Variants in NOX4 observed in about 807,000 individuals in gnomAD.
NOX4 encodes kidney oxidase-1.
A neutral mutation model predicts 87.6 loss-of-function variants in NOX4; 69 were observed. The ratio of observed to expected loss-of-function variants is 0.79; its 90% CI spans 0.65 to 0.96. The LOEUF is 0.96. Among genes scored for constraint, NOX4 ranks in the 40% least tolerant of loss-of-function variants. The pLI is 0.00. For missense variants in NOX4, 680 were observed against 681.5 expected (o/e 1.00, Z 0.02); for synonymous variants, 275 against 238.2 (o/e 1.15, Z -1.42).
At chr11:89,443,167 A>G (rs982761797) in intron 5 of NOX4, among the ~76,000 whole-genome samples, 1 of 152,194 alleles carries the variant, frequency 6.6e-6, no homozygotes, top group Non-Finnish European at 1.5e-5. Context: ...TTAAAATACC[A>G]ATAGAGACAA....
At chr11:89,579,132 G>A in the NOX4 span, among the ~76,000 whole-genome samples, 3 of 152,124 alleles carry the variant, frequency 2.0e-5, no homozygotes, top group Admixed American at 6.6e-5. Context: ...AAAGATAATT[G>A]GTTTTCTAGA....
chr11:89,478,330 C>G (rs1946252461), intron 2 of NOX4, among the ~76,000 whole-genome samples: 1 of 152,162 alleles, frequency 6.6e-6, no homozygotes, highest in African/African-American at 2.4e-5. Context: ...ATATAAATCT[C>G]AACTGAAAAC....
At position 89,484,481 on chromosome 11, in the gene NOX4, T is replaced by A. The variant is rs571854420; in HGVS notation, c.153+5977A>T. Among the ~76,000 whole-genome samples, 9 of 152,228 alleles carry A rather than the reference T, an allele frequency of 5.9e-5. No individual in the cohort carries two copies. In the East Asian group the frequency reaches 1.7e-3, roughly 29 times the overall value. ...TTCACCTAAAATGTAAAGCTAGTAG[T>A]CCATACAGTGTGGGGTTTAAAATGT... On this transcript the variant is annotated intron_variant, in intron 2 of 17. Coordinates refer to ENST00000263317, the MANE Select transcript of NOX4 (RefSeq NM_016931.5).
At chr11:89,401,592 G>A (rs879213053) in intron 9 of NOX4, among the ~76,000 whole-genome samples, 6 of 152,046 alleles carry the variant, frequency 3.9e-5, no homozygotes, top group African/African-American at 7.2e-5. Flanking sequence ...TAATTTGCAC[G>A]GGGGCAGTTC....
chr11:89,474,773 C>T (rs1946094471), intron 2 of NOX4, among the ~76,000 whole-genome samples: 1 of 151,814 alleles, frequency 6.6e-6, no homozygotes, highest in Admixed American at 6.6e-5. Flanking sequence ...GTTTAATATA[C>T]AGAATCAGGT....
chr11:89,416,364 T>G (rs1180873149), intron 8 of NOX4, among the ~76,000 whole-genome samples: 1 of 152,162 alleles, frequency 6.6e-6, no homozygotes, highest in Non-Finnish European at 1.5e-5. Context: ...CTCCCACCAG[T>G]AGCAAGATGA....
At chr11:89,370,200 T>C (rs1208966400) in intron 12 of NOX4, among the ~76,000 whole-genome samples, 1 of 151,998 alleles carries the variant, frequency 6.6e-6, no homozygotes, top group Non-Finnish European at 1.5e-5. Context: ...CCATATCTTC[T>C]CACTGTAGAA....
the NOX4 span, among the ~76,000 whole-genome samples, chr11:89,534,485 A>G: frequency 6.6e-6 from 1 of 152,182 alleles, no homozygotes; most frequent in African/African-American, 2.4e-5. Flanking sequence ...CTCACCACAT[A>G]TCATAACTAA....
the NOX4 span, among the ~76,000 whole-genome samples, chr11:89,570,340 T>C: frequency 2.0e-5 from 3 of 152,162 alleles, no homozygotes; most frequent in Non-Finnish European, 4.4e-5. Context: ...CACTAGGGCC[T>C]ACTTGAGGGT....
intron 12 of NOX4, among the ~76,000 whole-genome samples, chr11:89,355,289 G>T (rs75502908): frequency 6.8e-6 from 1 of 146,966 alleles, no homozygotes; most frequent in African/African-American, 2.5e-5. Context: ...AGCCATTAAG[G>T]ATAAATAGGT....
upstream of NOX4, among the ~76,000 whole-genome samples, chr11:89,491,747 CACACACACACACACACACAA>C (rs1364032415): frequency 6.7e-6 from 1 of 148,912 alleles, no homozygotes; most frequent in Non-Finnish European, 1.5e-5. Context: ...CACACACACA[CACACACACACACACACACAA>C]GAAGACACAG....
At chr11:89,421,859 T>C in intron 8 of NOX4, 43 bp downstream of exon 8, 1 of 1,228,972 alleles carries the variant, frequency 8.1e-7, no homozygotes, top group Admixed American at 2.5e-5. Context: ...TTACCCCATT[T>C]TGGGGCACAA....
rs557900385 is a variant in NOX4, at chr11:89,461,757, A to C, written c.154-9862T>G. ...ACAAAATCTCATTACAGAACATCTT[A>C]TAAGTCACAGGTCTTAAAGTAAAAT... On this transcript the variant is annotated intron_variant, in intron 2 of 17. Transcript: ENST00000263317. Among the ~76,000 whole-genome samples, 48 of 152,308 alleles carry C rather than the reference A, an allele frequency of 3.2e-4. No homozygotes were observed. In the South Asian group the frequency reaches 9.7e-3, roughly 31 times the overall value.
At chr11:89,349,400 A>T (rs1263827818) in intron 13 of NOX4, among the ~76,000 whole-genome samples, 1 of 152,198 alleles carries the variant, frequency 6.6e-6, no homozygotes, top group Non-Finnish European at 1.5e-5. Context: ...AAGATAGATG[A>T]TATCTTGAAG....
intron 13 of NOX4, among the ~76,000 whole-genome samples, chr11:89,350,662 T>A (rs1204150143): frequency 6.6e-6 from 1 of 152,196 alleles, no homozygotes; most frequent in Non-Finnish European, 1.5e-5. Flanking sequence ...AAAATATCAA[T>A]GTAGATACAT....
chr11:89,564,487 T>A, the NOX4 span, among the ~76,000 whole-genome samples: 1 of 152,168 alleles, frequency 6.6e-6, no homozygotes, highest in Non-Finnish European at 1.5e-5. Flanking sequence ...AGCAGGCCCC[T>A]CCTTCAACAT....
chr11:89,566,925 C>T, the NOX4 span, among the ~76,000 whole-genome samples: 8 of 152,248 alleles, frequency 5.3e-5, no homozygotes, highest in East Asian at 7.7e-4. Flanking sequence ...CATATACATC[C>T]GAGCTGGCAT....
rs142744684 is a variant in NOX4 at position 89,481,586 on chromosome 11, C to A, written c.153+8872G>T. Among the ~76,000 whole-genome samples the A allele has an allele frequency of 6.0e-3, 910 of 152,124 alleles. 8 individuals are homozygous for A. The highest frequency in any genetic ancestry group is 0.021 in the African/African-American group (866 of 41,520). The stretch of plus-strand genomic sequence containing the variant: ...ATCCATATGGCTCCAAAGCCCATGA[C>A]CTTTTCAGTAAGAAATTATAATTAT... On this transcript the variant is annotated intron_variant, in intron 2 of 17. Transcript: ENST00000263317.
chr11:89,453,057 T>A (rs759003267), intron 2 of NOX4, among the ~76,000 whole-genome samples: 1 of 151,992 alleles, frequency 6.6e-6, no homozygotes, highest in Non-Finnish European at 1.5e-5. Flanking sequence ...AAATAAAAAA[T>A]TAAAATTAAA....
Sources: allele counts gnomAD v4.1 joint callset (sites outside exome capture counted in the v4.1 genomes callset), GRCh38; gene constraint gnomAD v4.1.1; transcripts MANE v1.5; gene names NCBI Gene and HGNC (gene_info 2026-07-23, HGNC 2026-07-21).